Variants in SLC20A1 observed in about 807,000 individuals in gnomAD.
SLC20A1 encodes solute carrier family 20 member 1, also known as sodium-dependent phosphate transporter 1.
Under a neutral mutation model 62.7 loss-of-function variants are expected in SLC20A1, and 28 were observed. That is an observed-to-expected ratio of 0.45 (90% CI 0.33 to 0.61). SLC20A1 has a LOEUF of 0.61. Among genes scored for constraint, SLC20A1 ranks in the 20% least tolerant of loss-of-function variants. The probability of loss-of-function intolerance (pLI) is 0.02; values close to 1 mark genes in which losing one functional copy is unlikely to be tolerated. For missense variants in SLC20A1, 673 were observed against 838.6 expected, an observed-to-expected ratio of 0.80 and a Z score of 2.44; for synonymous variants, 305 against 302.9, an observed-to-expected ratio of 1.01 and a Z score of -0.07.
At chr2:112,650,321 G>A (rs1273361001) in intron 4 of SLC20A1, among the ~76,000 whole-genome samples, 1 of 149,788 alleles carries the variant, frequency 6.7e-6, no homozygotes, top group Admixed American at 6.6e-5. Flanking sequence ...TCTTGGGTTG[G>A]GTTTTTTGGA....
chr2:112,647,783 A>T, intron 4 of SLC20A1, 45 bp downstream of exon 4: 1 of 1,453,750 alleles, frequency 6.9e-7, no homozygotes, highest in South Asian at 1.1e-5. Flanking sequence ...GAGCACACCC[A>T]ATCGATTTCA....
rs767977987 is a variant in SLC20A1, at chr2:112,660,567, C to T, written c.1788C>T (p.Pro596=). Residue 596 remains proline, a synonymous_variant, in exon 9 of 11, where the codon CCC becomes CCT. Coordinates refer to ENST00000272542, the MANE Select transcript of SLC20A1 (RefSeq NM_005415.5). ...GGAAGGATCTGACACCGATCACACC[C>T]TCTAGGTAAGTAGGTGGAGCAGGTT... is the stretch of plus-strand genomic sequence containing the variant. ...TMGKDLTPIT[P]SSGFSIELAS... 1 of 1,612,328 alleles carries T rather than the reference C, an allele frequency of 6.2e-7. No homozygotes were observed. The highest frequency in any genetic ancestry group is 2.2e-5 in the East Asian group (1 of 44,860).
Position 112,663,574 on chromosome 2 carries a change from A to T in SLC20A1, c.*549A>T, listed in dbSNP as rs931223954. ...GCATATTCGGGAGCTTCTTAGAGGG[A>T]TGAGGTTCTTTGAACACAGTGAAAA... On this transcript the variant is annotated 3_prime_UTR_variant, in exon 11 of 11. Coordinates refer to ENST00000272542, the MANE Select transcript of SLC20A1 (RefSeq NM_005415.5). 3.6e-5 allele frequency: 6 copies of T among 165,850 alleles called. No individual in the cohort carries two copies. Among genetic ancestry groups the T allele is most frequent in the African/African-American group, 1.4e-4 (6 of 41,518 alleles). 10.3% of individuals were successfully genotyped at this position (165,850 alleles called of 1,614,324 possible).
Position 112,653,753 on chromosome 2 carries a change from G to A in SLC20A1, c.658+955G>A, listed in dbSNP as rs529870538. On this transcript the variant is annotated intron_variant, in intron 5 of 10. Coordinates refer to ENST00000272542, the MANE Select transcript of SLC20A1 (RefSeq NM_005415.5). The stretch of plus-strand genomic sequence containing the variant: ...CTTGCTCTTAAACCTCACTGAAGTA[G>A]TAAGTTGCTGACCCAAAGTAGAGTT... 2.0e-5 allele frequency among the ~76,000 whole-genome samples: 3 copies of A among 151,996 alleles called. No homozygotes were observed. In the East Asian group the frequency reaches 5.8e-4, roughly 29 times the overall value.
At chr2:112,660,229 G>T (rs1243967089) in intron 8 of SLC20A1, among the ~76,000 whole-genome samples, 158 bp from the exon 9 acceptor site, 1 of 152,210 alleles carries the variant, frequency 6.6e-6, no homozygotes, top group African/African-American at 2.4e-5. Context: ...TGTTGTGTAT[G>T]TTGGGGTTCC....
intron 3 of SLC20A1, 63 bp from the exon 4 acceptor site, chr2:112,647,590 A>G: frequency 6.3e-7 from 1 of 1,581,928 alleles, no homozygotes; most frequent in African/African-American, 1.3e-5. Context: ...TTAAACATTT[A>G]AAGTGGTTTT....
rs751469137 is a variant in SLC20A1, at chr2:112,647,724, T to G, written c.547T>G (p.Phe183Val). 62 of 1,613,806 alleles carry G rather than the reference T, an allele frequency of 3.8e-5. No individual in the cohort carries two copies. The highest frequency in any genetic ancestry group is 5.2e-5 in the Non-Finnish European group (61 of 1,179,656). The change falls in exon 4 of 11, where the codon TTC becomes GTC. Residue 183 changes from phenylalanine to valine, a missense_variant. Transcript: ENST00000272542. ...SGILFFLVRAFILHKADPVPN... is the reference protein window; with the variant it reads ...SGILFFLVRAVILHKADPVPN... ...AATTTTATTCTTCCTGGTTCGTGCA[T>G]TCATCCTCCATAAGGTAACCTTTCT...
At chr2:112,651,997 C>T (rs992560956) in intron 4 of SLC20A1, 3 of 152,146 alleles carry the variant, frequency 2.0e-5, no homozygotes, top group African/African-American at 7.2e-5. Context: ...GCCCCCCCTT[C>T]CATCACTCTC....
In SLC20A1 at chr2:112,652,788, T is replaced by A. The variant is rs757232146; in HGVS notation, c.648T>A (p.Thr216=). ...VGINLFSIMY[T]GAPLLGFDKL... The stretch of plus-strand genomic sequence containing the variant: ...TAAACCTCTTTTCCATCATGTATAC[T>A]GGAGCACCGTGTAAGTACCTATCAA... The change falls in exon 5 of 11, where the codon ACT becomes ACA. Residue 216 remains threonine, a synonymous_variant. Coordinates refer to ENST00000272542, the MANE Select transcript of SLC20A1 (RefSeq NM_005415.5). The A allele has an allele frequency of 1.7e-5, 27 of 1,613,810 alleles. No individual in the cohort carries two copies. Among genetic ancestry groups the A allele is most frequent in the Non-Finnish European group, 2.2e-5 (26 of 1,179,782 alleles).
chr2:112,659,110 T>C lies in SLC20A1; in HGVS notation c.1048+16T>C, dbSNP rs1266775991. Reference sequence around the variant, plus strand: ...ACCGTGAATGGTGAGTTGGAATTCCTGGTTTCACTTTTGTTACCTGCAGTG... The same window carrying C: ...ACCGTGAATGGTGAGTTGGAATTCCCGGTTTCACTTTTGTTACCTGCAGTG... On this transcript the variant is annotated intron_variant, in intron 7 of 10. Coordinates refer to ENST00000272542, the MANE Select transcript of SLC20A1 (RefSeq NM_005415.5). 6.2e-7 allele frequency: 1 copy of C among 1,609,916 alleles called. No individual in the cohort carries two copies. Among genetic ancestry groups the C allele is most frequent in the Non-Finnish European group, 8.5e-7 (1 of 1,177,482 alleles).
At chr2:112,658,549 C>A in intron 6 of SLC20A1, 1 of 342,286 alleles carries the variant, frequency 2.9e-6, no homozygotes, top group South Asian at 5.0e-5. Flanking sequence ...AAAATAAAAA[C>A]AAAACAACAA....
chr2:112,649,648 A>G (rs1325340766), intron 4 of SLC20A1, among the ~76,000 whole-genome samples: 1 of 152,182 alleles, frequency 6.6e-6, no homozygotes, highest in Non-Finnish European at 1.5e-5. Flanking sequence ...ATAGGTGGGA[A>G]CAGACAGAAT....
At chr2:112,652,900 C>T (rs538275418) in intron 5 of SLC20A1, 102 bp downstream of exon 5, 11 of 1,606,280 alleles carry the variant, frequency 6.8e-6, no homozygotes, top group Non-Finnish European at 9.4e-6. Context: ...GCTGAAATCT[C>T]CTAGAAGGTG....
Position 112,659,478 on chromosome 2 carries a change from G to A in SLC20A1, c.1323G>A (p.Lys441=). The A allele has an allele frequency of 6.2e-7, 1 of 1,614,214 alleles. No homozygotes were observed. ...DSFRAKEGEQ[K]GEEMEKLTWP... ...TCCGTGCCAAAGAAGGTGAACAGAA[G>A]GGCGAAGAAATGGAGAAGCTGACAT... Residue 441 remains lysine, a synonymous_variant, in exon 8 of 11, where the codon AAG becomes AAA. Coordinates refer to ENST00000272542, the MANE Select transcript of SLC20A1 (RefSeq NM_005415.5).
At chr2:112,662,222 A>C (rs1393979714) in intron 10 of SLC20A1, among the ~76,000 whole-genome samples, 3 of 152,186 alleles carry the variant, frequency 2.0e-5, no homozygotes, top group African/African-American at 7.2e-5. Context: ...ACAATTGTTT[A>C]TTAGGTTTAA....
At chr2:112,661,635 G>A (rs1409559816) in intron 10 of SLC20A1, among the ~76,000 whole-genome samples, 3 of 152,002 alleles carry the variant, frequency 2.0e-5, no homozygotes, top group Admixed American at 6.6e-5. Context: ...TGCAACCTCC[G>A]CCTCCTGGGC....
rs1334363261 is a variant in SLC20A1, at chr2:112,647,115, A to T, written c.287A>T (p.Asn96Ile). The T allele has an allele frequency of 1.9e-6, 3 of 1,613,772 alleles. No individual in the cohort carries two copies. The highest frequency in any genetic ancestry group is 2.5e-6 in the Non-Finnish European group (3 of 1,179,910). ...GGCTTGATTGACGTGGAGATGTACA[A>T]CTCGACTCAAGGGCTGCTGATGGCC... ...RKGLIDVEMY[N>I]STQGLLMAGS... is the part of the protein sequence containing the mutation. The change falls in exon 2 of 11, where the codon AAC becomes ATC. Residue 96 changes from asparagine to isoleucine, a missense_variant. By Grantham distance (149) the Asn-to-Ile change is moderately radical. Coordinates refer to ENST00000272542, the MANE Select transcript of SLC20A1 (RefSeq NM_005415.5).
intron 4 of SLC20A1, 70 bp downstream of exon 4, chr2:112,647,808 T>G: frequency 8.0e-7 from 1 of 1,245,710 alleles, no homozygotes; most frequent in Middle Eastern, 1.9e-4. Context: ...CAGTGGTACT[T>G]TTGCAGATGT....
intron 6 of SLC20A1, among the ~76,000 whole-genome samples, 199 bp downstream of exon 6, chr2:112,657,440 T>TA (rs954970156): frequency 7.2e-5 from 11 of 152,204 alleles, no homozygotes; most frequent in African/African-American, 2.7e-4. Context: ...AAAATGGACT[T>TA]ACATGACCTA....
Sources: allele counts gnomAD v4.1 joint callset (sites outside exome capture counted in the v4.1 genomes callset), GRCh38; gene constraint gnomAD v4.1.1; transcripts MANE v1.5; gene names NCBI Gene and HGNC (gene_info 2026-07-23, HGNC 2026-07-21).